SPRR2G: variants seen among roughly 807,000 people sequenced by gnomAD.
SPRR2G encodes the protein small proline-rich protein 2G.
SPRR2G carries 1 observed loss-of-function variant against 0.7 expected under a neutral mutation model. The observed-to-expected ratio is 1.49, with a 90% CI of 0.53 to 7.06. SPRR2G has a LOEUF of 7.06. Among genes scored for constraint, SPRR2G ranks in the 30% most tolerant of loss-of-function variants. SPRR2G has a pLI of 0.14. For synonymous variants in SPRR2G, 38 were observed against 33.9 expected (o/e 1.12, Z -0.42); for missense variants, 96 against 88.5 (o/e 1.09, Z -0.34).
At chr1:153,156,703 A>C in the SPRR2G span, among the ~76,000 whole-genome samples, 4,099 of 152,204 alleles carry the variant, frequency 0.027, 181 homozygotes, top group African/African-American at 0.093. Context: ...AATACCAGAA[A>C]GCCTAGACAG....
the SPRR2G span, among the ~76,000 whole-genome samples, chr1:153,192,579 G>T: frequency 6.6e-6 from 1 of 152,152 alleles, no homozygotes; most frequent in African/African-American, 2.4e-5. Flanking sequence ...CAAGATTATA[G>T]GTTCCTGGGT....
the SPRR2G span, among the ~76,000 whole-genome samples, chr1:153,170,135 T>G: frequency 3.2e-3 from 494 of 152,342 alleles, 4 homozygotes; most frequent in African/African-American, 0.011. Context: ...GATGTATAAA[T>G]TTTCTTCGAG....
At chr1:153,192,000 T>A in the SPRR2G span, among the ~76,000 whole-genome samples, 1 of 152,246 alleles carries the variant, frequency 6.6e-6, no homozygotes, top group East Asian at 1.9e-4. Flanking sequence ...AAGCATCTAG[T>A]TTATAAAACC....
chr1:153,188,093 G>C, the SPRR2G span, among the ~76,000 whole-genome samples: 1 of 152,112 alleles, frequency 6.6e-6, no homozygotes, highest in Non-Finnish European at 1.5e-5. Context: ...TCCCACAGGG[G>C]TACCTGCCTG....
the SPRR2G span, among the ~76,000 whole-genome samples, chr1:153,167,931 C>A: frequency 6.6e-6 from 1 of 152,028 alleles, no homozygotes; most frequent in East Asian, 1.9e-4. Flanking sequence ...AATACATTAG[C>A]CTAATATTTG....
the SPRR2G span, among the ~76,000 whole-genome samples, chr1:153,182,584 C>T: frequency 1.3e-5 from 2 of 152,054 alleles, no homozygotes; most frequent in African/African-American, 2.4e-5. Context: ...ATGTTCCCCT[C>T]CCTCTGTCCA....
chr1:153,194,681 T>C, the SPRR2G span, among the ~76,000 whole-genome samples: 1 of 152,250 alleles, frequency 6.6e-6, no homozygotes, highest in African/African-American at 2.4e-5. Context: ...CCAAACTTTT[T>C]GCTTTTTTTC....
the SPRR2G span, among the ~76,000 whole-genome samples, chr1:153,159,291 G>A: frequency 2.6e-5 from 4 of 152,100 alleles, no homozygotes; most frequent in Non-Finnish European, 4.4e-5. Context: ...ACATCTCCAG[G>A]GCAGAGGCAA....
rs1336864892 is a variant in SPRR2G at position 153,149,799 on chromosome 1, A to G, written c.*90T>C. On this transcript the variant is annotated 3_prime_UTR_variant, in exon 2 of 2. Coordinates refer to ENST00000368748, the MANE Select transcript of SPRR2G (RefSeq NM_001014291.4). ...GAGGTTAGGGAAGATGCAGCCTCCC[A>G]CTACAGCTGAAGGGAAGATGATGGA... 4 of 1,506,240 alleles carry G rather than the reference A, an allele frequency of 2.7e-6. No individual in the cohort carries two copies. The East Asian group carries it at 6.8e-5, about 26-fold the overall frequency. 93.3% of individuals were successfully genotyped at this position (1,506,240 alleles called of 1,614,324 possible).
At chr1:153,192,036 A>G in the SPRR2G span, among the ~76,000 whole-genome samples, 3 of 152,218 alleles carry the variant, frequency 2.0e-5, no homozygotes, top group African/African-American at 4.8e-5. Flanking sequence ...TAAGACACTG[A>G]GGCTCACTAG....
At chr1:153,164,300 T>C in the SPRR2G span, among the ~76,000 whole-genome samples, 1 of 152,164 alleles carries the variant, frequency 6.6e-6, no homozygotes, top group Admixed American at 6.5e-5. Context: ...GGCAGGACCA[T>C]GAGGCCAGGA....
the SPRR2G span, among the ~76,000 whole-genome samples, chr1:153,188,518 T>A: frequency 6.6e-6 from 1 of 152,128 alleles, no homozygotes; most frequent in Non-Finnish European, 1.5e-5. Context: ...TCAGTAATGC[T>A]AGACACACCT....
the SPRR2G span, among the ~76,000 whole-genome samples, chr1:153,188,715 G>A: frequency 4.0e-4 from 61 of 152,034 alleles, no homozygotes; most frequent in African/African-American, 1.5e-3. Flanking sequence ...AGGCACCACT[G>A]GTGTATGAAA....
the SPRR2G span, among the ~76,000 whole-genome samples, chr1:153,181,975 T>C: frequency 6.6e-6 from 1 of 152,258 alleles, no homozygotes; most frequent in East Asian, 1.9e-4. Context: ...AGTTCTATTT[T>C]TAGTTATTTC....
the SPRR2G span, among the ~76,000 whole-genome samples, chr1:153,157,321 G>A: frequency 6.6e-6 from 1 of 152,090 alleles, no homozygotes; most frequent in East Asian, 1.9e-4. Context: ...AAATTTATAG[G>A]TGAAAGGATA....
At chr1:153,155,874 C>A (rs1656573784), upstream of SPRR2G, among the ~76,000 whole-genome samples, 1 of 152,170 alleles carries the variant, frequency 6.6e-6, no homozygotes, top group Non-Finnish European at 1.5e-5. Context: ...TTCCTGGATC[C>A]CTCCTATTAG....
the SPRR2G span, among the ~76,000 whole-genome samples, chr1:153,173,720 C>T: frequency 6.6e-6 from 1 of 152,204 alleles, no homozygotes; most frequent in South Asian, 2.1e-4. Context: ...CTCCTTGTCA[C>T]TGGAGGTGTC....
the SPRR2G span, among the ~76,000 whole-genome samples, chr1:153,173,847 T>A: frequency 6.6e-5 from 10 of 152,174 alleles, no homozygotes; most frequent in African/African-American, 2.4e-4. Context: ...GCCTTGGTTC[T>A]TCCCCACCTA....
chr1:153,200,751 G>A, the SPRR2G span, among the ~76,000 whole-genome samples: 1 of 150,158 alleles, frequency 6.7e-6, no homozygotes, highest in Non-Finnish European at 1.5e-5. Context: ...CCAGGCTGGA[G>A]TGCAATGGCG....
Sources: allele counts gnomAD v4.1 joint callset (sites outside exome capture counted in the v4.1 genomes callset), GRCh38; gene constraint gnomAD v4.1.1; transcripts MANE v1.5; gene names NCBI Gene and HGNC (gene_info 2026-07-23, HGNC 2026-07-21).